Variants in SLC37A3 observed in about 807,000 individuals in gnomAD.
SLC37A3 encodes the protein sugar phosphate exchanger 3.
A neutral mutation model predicts 67.1 loss-of-function variants in SLC37A3; 51 were observed. The ratio of observed to expected loss-of-function variants is 0.76; its 90% CI spans 0.61 to 0.96. SLC37A3 has a LOEUF of 0.96. SLC37A3 is among the 40% of genes least tolerant of loss of function. The pLI, the probability that SLC37A3 is intolerant of heterozygous loss-of-function variation, is 0.00. For synonymous variants in SLC37A3, 214 were observed against 231.4 expected, an observed-to-expected ratio of 0.92 and a Z score of 0.68; for missense variants, 508 against 603.0, an observed-to-expected ratio of 0.84 and a Z score of 1.65.
intron 13 of SLC37A3, among the ~76,000 whole-genome samples, chr7:140,343,141 A>G (rs1796422783): frequency 6.6e-6 from 1 of 152,198 alleles, no homozygotes; most frequent in African/African-American, 2.4e-5. Context: ...GGGCTGGGGC[A>G]GAAGGATCTG....
chr7:140,368,345 C>T (rs1408842214), intron 4 of SLC37A3, among the ~76,000 whole-genome samples: 5 of 152,004 alleles, frequency 3.3e-5, no homozygotes, highest in Admixed American at 6.6e-5. Context: ...GCAAGCGGAT[C>T]GTCTGAGGTT....
rs1268142097 is a variant in SLC37A3, at chr7:140,380,496, T to C, written c.90-106A>G. ...TTTTATTCAATTTTATTTTATTTTA[T>C]TTGGTGGGCAGCCACCTGAACCAAA... is the stretch of plus-strand genomic sequence containing the variant. On this transcript the variant is annotated intron_variant, in intron 2 of 14. Transcript: ENST00000326232. 11 of 798,878 alleles carry C rather than the reference T, an allele frequency of 1.4e-5. No homozygotes were observed. In the Admixed American group the frequency reaches 3.3e-4, roughly 24 times the overall value. The allele number at this position is 798,878 out of a possible 1,614,324, so 49.5% of individuals were successfully genotyped here. A position where few individuals can be genotyped will look rare whatever the true frequency, so the allele number is the denominator to read the frequency against.
At chr7:140,376,940 ATTTTT>A (rs34892110) in intron 3 of SLC37A3, among the ~76,000 whole-genome samples, 1 of 110,526 alleles carries the variant, frequency 9.0e-6, no homozygotes, top group Non-Finnish European at 1.8e-5. Context: ...CACCCAGCTA[ATTTTT>A]TTTTTTTTTT....
At chr7:140,383,812 G>A (rs1563050002) in intron 1 of SLC37A3, among the ~76,000 whole-genome samples, 1 of 152,066 alleles carries the variant, frequency 6.6e-6, no homozygotes, top group Non-Finnish European at 1.5e-5. Flanking sequence ...AAGTAGCTGG[G>A]ACTATAAGCA....
chr7:140,365,654 G>A (rs555143126), intron 4 of SLC37A3, among the ~76,000 whole-genome samples: 3 of 152,158 alleles, frequency 2.0e-5, no homozygotes, highest in Non-Finnish European at 4.4e-5. Flanking sequence ...CCAGGAAGCG[G>A]GGCTTGCAGT....
intron 2 of SLC37A3, among the ~76,000 whole-genome samples, chr7:140,381,023 G>A (rs1313684947): frequency 2.0e-5 from 3 of 149,872 alleles, no homozygotes; most frequent in East Asian, 4.0e-4. Context: ...TCAGCCTCCC[G>A]AGTAGCTGGG....
At chr7:140,363,697 AAAATAAAT>A (rs1279394965) in intron 5 of SLC37A3, among the ~76,000 whole-genome samples, 2 of 103,642 alleles carry the variant, frequency 1.9e-5, no homozygotes, top group Non-Finnish European at 4.3e-5. Flanking sequence ...CAATAAAAAA[AAAATAAAT>A]AAAAAAATAA....
chr7:140,369,778 T>C, intron 3 of SLC37A3, 96 bp from the exon 4 acceptor site: 3 of 927,612 alleles, frequency 3.2e-6, no homozygotes, highest in Admixed American at 2.3e-5. Flanking sequence ...AAAGCACCAG[T>C]AATGCTCAAG....
intron 8 of SLC37A3, chr7:140,351,859 A>G: frequency 1.5e-6 from 1 of 669,894 alleles, no homozygotes; most frequent in South Asian, 1.6e-5. Context: ...AAAGACGTGC[A>G]TCACTCCCCT....
rs114758622 is a variant in SLC37A3, at chr7:140,366,399, G to A, written c.292-1908C>T. Among the ~76,000 whole-genome samples, 776 of 151,906 alleles carry A rather than the reference G, an allele frequency of 5.1e-3. 16 individuals are homozygous for A. Among genetic ancestry groups the A allele is most frequent in the South Asian group, 0.049 (237 of 4,804 alleles). On this transcript the variant is annotated intron_variant, in intron 4 of 14. Coordinates refer to ENST00000326232, the MANE Select transcript of SLC37A3 (RefSeq NM_207113.3). ...ACTGGGATTACAGGCGTGAGCCACC[G>A]TGCCCCACCAGAATCAATACATTCT...
At chr7:140,371,893 C>T (rs1025237503) in intron 3 of SLC37A3, among the ~76,000 whole-genome samples, 7 of 151,958 alleles carry the variant, frequency 4.6e-5, no homozygotes, top group African/African-American at 1.2e-4. Flanking sequence ...GCTCTGTTAC[C>T]CAGGCTGGAG....
At chr7:140,368,475 G>C (rs1178530076) in intron 4 of SLC37A3, among the ~76,000 whole-genome samples, 1 of 152,162 alleles carries the variant, frequency 6.6e-6, no homozygotes, top group Non-Finnish European at 1.5e-5. Flanking sequence ...GCTGAGGCAG[G>C]AGAATTGCTT....
chr7:140,349,539 G>GC (rs1491418710), intron 9 of SLC37A3, among the ~76,000 whole-genome samples: 1 of 106,470 alleles, frequency 9.4e-6, no homozygotes, highest in African/African-American at 5.2e-5. Flanking sequence ...AAAGGAAAAA[G>GC]GGGGGGGGGA....
chr7:140,349,944 A>G (rs1796726618), intron 9 of SLC37A3, among the ~76,000 whole-genome samples: 1 of 152,228 alleles, frequency 6.6e-6, no homozygotes, highest in Non-Finnish European at 1.5e-5. Flanking sequence ...TTTCTCTTAT[A>G]TCATATATCA....
At chr7:140,347,976 C>G (rs118059120) in intron 10 of SLC37A3, among the ~76,000 whole-genome samples, 2 of 152,232 alleles carry the variant, frequency 1.3e-5, no homozygotes, top group Non-Finnish European at 2.9e-5. Context: ...ATGTTTTTTT[C>G]TATACATACA....
intron 13 of SLC37A3, among the ~76,000 whole-genome samples, chr7:140,339,893 C>T (rs542196476): frequency 1.1e-4 from 16 of 152,214 alleles, no homozygotes; most frequent in Middle Eastern, 3.4e-3. Context: ...CCCGCCACAA[C>T]GCCCAGCCAA....
intron 1 of SLC37A3, among the ~76,000 whole-genome samples, chr7:140,397,353 C>A (rs1305456208): frequency 2.0e-5 from 3 of 151,646 alleles, no homozygotes; most frequent in African/African-American, 7.3e-5. Context: ...GCCACGACGC[C>A]CAGCTAATCT....
At chr7:140,378,801 A>G (rs1747920990) in intron 3 of SLC37A3, among the ~76,000 whole-genome samples, 1 of 151,980 alleles carries the variant, frequency 6.6e-6, no homozygotes, top group Non-Finnish European at 1.5e-5. Context: ...TAATACCAAC[A>G]CTATGGGGAG....
chr7:140,343,573 T>C lies in SLC37A3; in HGVS notation c.1175-10A>G, dbSNP rs11772729. ...CCACCAATAAAAAATCCTGAAGTCATAAACAGGTTCTTATTAAAACACAAT... is the reference window on the plus strand; with the variant it reads ...CCACCAATAAAAAATCCTGAAGTCACAAACAGGTTCTTATTAAAACACAAT... On this transcript the variant is annotated splice_polypyrimidine_tract_variant and intron_variant, in intron 12 of 14. Coordinates refer to ENST00000326232, the MANE Select transcript of SLC37A3 (RefSeq NM_207113.3). 185,763 of 1,613,308 alleles carry C rather than the reference T, an allele frequency of 0.12. 11,672 individuals are homozygous for C. The highest frequency in any genetic ancestry group is 0.13 in the Middle Eastern group (786 of 6,054).
Sources: allele counts gnomAD v4.1 joint callset (sites outside exome capture counted in the v4.1 genomes callset), GRCh38; gene constraint gnomAD v4.1.1; transcripts MANE v1.5; gene names NCBI Gene and HGNC (gene_info 2026-07-23, HGNC 2026-07-21).